IP6K2: variants seen among roughly 807,000 people sequenced by gnomAD.
The protein encoded by IP6K2 is inositol hexakisphosphate kinase 2.
In IP6K2, 9 loss-of-function variants were observed where a neutral mutation model predicts 43.3. The observed-to-expected ratio is 0.21, with a 90% CI of 0.13 to 0.36. IP6K2 has a LOEUF of 0.36. Ranked by LOEUF, IP6K2 falls within the 10% of genes least tolerant of loss-of-function variation. The pLI is 1.00. For synonymous variants in IP6K2, 209 were observed against 202.4 expected, an observed-to-expected ratio of 1.03 and a Z score of -0.28; for missense variants, 332 against 538.4, an observed-to-expected ratio of 0.62 and a Z score of 3.79.
At position 48,688,293 on chromosome 3, in the gene IP6K2, T is replaced by C; in HGVS notation, c.1261A>G (p.Ser421Gly). The change falls in exon 6 of 6, where the codon AGT becomes GGT. Residue 421 changes from serine to glycine, a missense_variant. Transcript: ENST00000328631. This position sits in a 1 kb window ranked among gnomAD's most constrained non-coding sequence, Gnocchi z 5.1. The stretch of plus-strand genomic sequence containing the variant: ...CAAGCTCACTCCCCACTCTCCTCAC[T>C]TATCTCTGTGACAATGTCTATCAGG... Reference protein sequence around the residue: ...QSLIDIVTEISEESGE With the variant: ...QSLIDIVTEIGEESGE 2 of 1,614,044 alleles carry C rather than the reference T, an allele frequency of 1.2e-6. No individual in the cohort carries two copies. Among genetic ancestry groups the C allele is most frequent in the Non-Finnish European group, 1.7e-6 (2 of 1,179,906 alleles).
intron 1 of IP6K2, among the ~76,000 whole-genome samples, chr3:48,709,013 G>A (rs1277452669): frequency 2.0e-5 from 3 of 152,218 alleles, no homozygotes; most frequent in Non-Finnish European, 4.4e-5. Context: ...AGGTTATAGT[G>A]AGCAGAGATT....
intron 5 of IP6K2, 75 bp downstream of exon 5, chr3:48,689,463 G>C: frequency 8.9e-6 from 13 of 1,466,820 alleles, no homozygotes; most frequent in Non-Finnish European, 1.1e-5. Flanking sequence ...GGAATCTTTT[G>C]AGCAAACAGG....
At chr3:48,700,389 T>C (rs2078890849) in intron 1 of IP6K2, among the ~76,000 whole-genome samples, 1 of 152,194 alleles carries the variant, frequency 6.6e-6, no homozygotes, top group Admixed American at 6.6e-5. Context: ...GCTGTTTCCC[T>C]GGAAGGCTGG....
intron 2 of IP6K2, chr3:48,693,999 G>C: frequency 2.6e-5 from 36 of 1,374,508 alleles, no homozygotes; most frequent in South Asian, 1.7e-4. Flanking sequence ...ACAAACGACT[G>C]GCTGAACACC....
intron 1 of IP6K2, among the ~76,000 whole-genome samples, chr3:48,698,289 A>T (rs2078633363): frequency 6.6e-6 from 1 of 152,200 alleles, no homozygotes; most frequent in Non-Finnish European, 1.5e-5. Context: ...ACTAAAGCAC[A>T]TGTCAGGTAC....
intron 4 of IP6K2, among the ~76,000 whole-genome samples, chr3:48,690,844 G>T (rs1295633625): frequency 6.7e-6 from 1 of 148,586 alleles, no homozygotes; most frequent in East Asian, 2.0e-4. Context: ...AAAGAGAAAA[G>T]AAAACAAATA....
In IP6K2 at chr3:48,695,411, A is replaced by T. The variant is rs1328459597; in HGVS notation, c.-120T>A. On this transcript the variant is annotated 5_prime_UTR_variant, in exon 2 of 6. Coordinates refer to ENST00000328631, the MANE Select transcript of IP6K2 (RefSeq NM_016291.4). This position sits in a 1 kb window ranked among gnomAD's most constrained non-coding sequence, Gnocchi z 4.6. ...CTTGGCTCCTTGGCTTGTTCTGGCC[A>T]GGATGCTCTGCTGGAAGCAAACAAA... 1 of 1,439,554 alleles carries T rather than the reference A, an allele frequency of 6.9e-7. No individual in the cohort carries two copies. Among genetic ancestry groups the T allele is most frequent in the Admixed American group, 2.7e-5 (1 of 37,272 alleles). 89.2% of individuals were successfully genotyped at this position (1,439,554 alleles called of 1,614,324 possible). A position where few individuals can be genotyped will look rare whatever the true frequency, so the allele number is the denominator to read the frequency against.
chr3:48,695,024 T>A lies in IP6K2; in HGVS notation c.202+66A>T, dbSNP rs1314304914. The A allele has an allele frequency of 1.2e-6, 2 of 1,613,760 alleles. No individual in the cohort carries two copies. ...GGCTCCAGGGATGGCTGCCAGGGCC[T>A]TCCATGGCCACGATCTCTCACATCT... On this transcript the variant is annotated intron_variant, in intron 2 of 5. Coordinates refer to ENST00000328631, the MANE Select transcript of IP6K2 (RefSeq NM_016291.4). This position sits in a 1 kb window ranked among gnomAD's most constrained non-coding sequence, Gnocchi z 4.6.
At chr3:48,693,422 C>A in intron 2 of IP6K2, 3 of 1,368,108 alleles carry the variant, frequency 2.2e-6, no homozygotes, top group Non-Finnish European at 3.0e-6. Context: ...CTCAACGAGG[C>A]AAGAGCCAAA....
At chr3:48,700,866 C>T (rs1387104151) in intron 1 of IP6K2, among the ~76,000 whole-genome samples, 2 of 152,152 alleles carry the variant, frequency 1.3e-5, no homozygotes, top group African/African-American at 4.8e-5. Flanking sequence ...ACAACCCTTA[C>T]CACCCATACC....
chr3:48,702,345 C>CTTTGT (rs2079147190), intron 1 of IP6K2, among the ~76,000 whole-genome samples: 1 of 152,144 alleles, frequency 6.6e-6, no homozygotes, highest in Non-Finnish European at 1.5e-5. Context: ...ACCTCAGGGC[C>CTTTGT]TTTGTACTTG....
intron 1 of IP6K2, among the ~76,000 whole-genome samples, chr3:48,709,813 G>A (rs920080413): frequency 1.3e-5 from 2 of 151,120 alleles, no homozygotes. Context: ...CTCCAGCCTG[G>A]GCAAGAGAGC....
intron 1 of IP6K2, among the ~76,000 whole-genome samples, chr3:48,713,423 GCAA>G (rs1468508332): frequency 6.6e-6 from 1 of 152,234 alleles, no homozygotes; most frequent in Non-Finnish European, 1.5e-5. Context: ...GCCAGAGCAG[GCAA>G]CGTGGCAGCC....
chr3:48,692,814 C>T (rs146753502), intron 3 of IP6K2, 140 bp downstream of exon 3: 1 of 682,318 alleles, frequency 1.5e-6, no homozygotes, highest in South Asian at 1.8e-5. Flanking sequence ...GCTGAGTATG[C>T]CATGTGGGAA....
At chr3:48,694,688 G>T in intron 2 of IP6K2, 1 of 1,506,164 alleles carries the variant, frequency 6.6e-7, no homozygotes, top group Non-Finnish European at 8.8e-7. Context: ...CTGCTCCCCG[G>T]CCTACCTAAT....
chr3:48,688,799 G>T lies in IP6K2; in HGVS notation c.781-26C>A. ...CTGTAGGAGAGAGACCAGCAAGTCAGGGGCTGAGGGCCATCTCAAACCCTG... is the reference window on the plus strand; with the variant it reads ...CTGTAGGAGAGAGACCAGCAAGTCATGGGCTGAGGGCCATCTCAAACCCTG... On this transcript the variant is annotated intron_variant, in intron 5 of 5. Coordinates refer to ENST00000328631, the MANE Select transcript of IP6K2 (RefSeq NM_016291.4). The surrounding 1 kb of genome is among the most constrained non-coding windows in gnomAD (Gnocchi z 5.1). 1 of 1,577,664 alleles carries T rather than the reference G, an allele frequency of 6.3e-7. No individual in the cohort carries two copies.
intron 4 of IP6K2, 30 bp downstream of exon 4, chr3:48,691,277 A>G (rs1283227294): frequency 1.3e-6 from 2 of 1,578,106 alleles, no homozygotes; most frequent in African/African-American, 2.7e-5. Flanking sequence ...CTTACCCTCA[A>G]ATGCAGAGAT....
chr3:48,699,180 C>T (rs1489838130), intron 1 of IP6K2, among the ~76,000 whole-genome samples: 2 of 152,064 alleles, frequency 1.3e-5, no homozygotes, highest in African/African-American at 4.8e-5. Context: ...GAGGCCTAAG[C>T]GGGTGGAATC....
In IP6K2 at chr3:48,691,407, A is replaced by G. The variant is rs370819326; in HGVS notation, c.504T>C (p.Asn168=). 6.8e-6 allele frequency: 11 copies of G among 1,611,762 alleles called. No homozygotes were observed. The South Asian group carries it at 1.1e-4, about 16-fold the overall frequency. The part of the protein sequence containing the change: ...VLYYTVEKKG[N]ISSQLKHYNP... ...TATAGTGTTTAAGCTGGGAACTTAT[A>G]TTCCCCTTCTTCTCTACAGTGTAGT... Residue 168 remains asparagine (N), a synonymous_variant, in exon 4 of 6, where the codon AAT becomes AAC. Transcript: ENST00000328631.
Sources: gnomAD v4.1 joint callset for allele counts (sites outside exome capture counted in the v4.1 genomes callset) on GRCh38, gnomAD v4.1.1 for gene constraint, Gnocchi (gnomAD v3.1) non-coding constraint, MANE v1.5 for transcripts, NCBI Gene and HGNC (gene_info 2026-07-23, HGNC 2026-07-21) for gene names.